ITGA9: variants seen among roughly 807,000 people sequenced by gnomAD.
ITGA9 encodes the protein integrin alpha-9.
Under a neutral mutation model 127.8 loss-of-function variants are expected in ITGA9, and 56 were observed. The observed-to-expected ratio is 0.44, with a 90% CI of 0.35 to 0.55. The LOEUF (loss-of-function observed/expected upper bound fraction) is 0.55, where lower values mean the gene tolerates loss of function less well. ITGA9 is among the 20% of genes least tolerant of loss of function. The probability of loss-of-function intolerance (pLI) is 0.00; values close to 1 mark genes in which losing one functional copy is unlikely to be tolerated. For synonymous variants in ITGA9, 508 were observed against 514.5 expected, an observed-to-expected ratio of 0.99 and a Z score of 0.17; for missense variants, 1,196 against 1,347.1, an observed-to-expected ratio of 0.89 and a Z score of 1.76.
At chr3:37,780,152 C>A in intron 25 of ITGA9, 131 bp downstream of exon 25, 1 of 1,094,928 alleles carries the variant, frequency 9.1e-7, no homozygotes, top group African/African-American at 1.5e-5. Flanking sequence ...GGCTGCCCCC[C>A]CTTTTGGCTG....
At chr3:37,495,229 A>G (rs1698715702) in intron 5 of ITGA9, among the ~76,000 whole-genome samples, 1 of 152,190 alleles carries the variant, frequency 6.6e-6, no homozygotes. Context: ...CTAGGATTAC[A>G]GGCTGAGCCA....
intron 13 of ITGA9, among the ~76,000 whole-genome samples, chr3:37,528,310 C>T (rs1048329252): frequency 2.0e-5 from 3 of 152,264 alleles, no homozygotes; most frequent in Middle Eastern, 3.4e-3. Flanking sequence ...ACCCCAGACT[C>T]CAGCCTAGGA....
intron 1 of ITGA9, among the ~76,000 whole-genome samples, chr3:37,455,243 A>G (rs974043507): frequency 2.6e-5 from 4 of 152,184 alleles, no homozygotes; most frequent in Non-Finnish European, 5.9e-5. Flanking sequence ...CATGTCAGTC[A>G]TTTTCAATTA....
At chr3:37,655,719 T>G (rs1259757998) in intron 17 of ITGA9, among the ~76,000 whole-genome samples, 1 of 152,258 alleles carries the variant, frequency 6.6e-6, no homozygotes, top group East Asian at 1.9e-4. Context: ...TTATCAATTC[T>G]GGCTTTTGTT....
chr3:37,545,027 C>T (rs372801349), intron 15 of ITGA9, among the ~76,000 whole-genome samples: 4 of 152,230 alleles, frequency 2.6e-5, no homozygotes, highest in Non-Finnish European at 5.9e-5. Context: ...GGCACCGCCC[C>T]GGCTTACTGG....
intron 15 of ITGA9, among the ~76,000 whole-genome samples, chr3:37,563,806 C>A (rs2125601186): frequency 6.6e-6 from 1 of 152,272 alleles, no homozygotes; most frequent in South Asian, 2.1e-4. Flanking sequence ...TTTCTCATAC[C>A]TTTTTATTTC....
intron 5 of ITGA9, among the ~76,000 whole-genome samples, chr3:37,496,116 C>T (rs1698725288): frequency 1.3e-5 from 2 of 152,158 alleles, no homozygotes; most frequent in African/African-American, 2.4e-5. Flanking sequence ...TGCCTACCTT[C>T]CTTTCAGAAA....
intron 3 of ITGA9, among the ~76,000 whole-genome samples, chr3:37,481,038 T>C (rs1698546541): frequency 6.6e-6 from 1 of 152,170 alleles, no homozygotes; most frequent in African/African-American, 2.4e-5. Context: ...CTTCCCACCA[T>C]GGTCACTCCA....
At chr3:37,561,122 T>G (rs916564846) in intron 15 of ITGA9, among the ~76,000 whole-genome samples, 1 of 152,230 alleles carries the variant, frequency 6.6e-6, no homozygotes, top group African/African-American at 2.4e-5. Context: ...TCTGAGGTAC[T>G]GGGAGTTAGG....
chr3:37,698,447 T>C (rs1454211464), intron 18 of ITGA9, among the ~76,000 whole-genome samples: 4 of 152,234 alleles, frequency 2.6e-5, no homozygotes, highest in Non-Finnish European at 4.4e-5. Context: ...CTAGGTTTTC[T>C]TCTAGGGTTT....
chr3:37,500,393 C>T (rs1698776128), intron 5 of ITGA9, among the ~76,000 whole-genome samples: 1 of 152,154 alleles, frequency 6.6e-6, no homozygotes. Flanking sequence ...ATGAAGTGCT[C>T]ATCAACAGTC....
At chr3:37,558,902 C>T (rs1248441773) in intron 15 of ITGA9, among the ~76,000 whole-genome samples, 1 of 152,184 alleles carries the variant, frequency 6.6e-6, no homozygotes, top group Non-Finnish European at 1.5e-5. Context: ...CTCCTCTCAC[C>T]GTTCTCCCCA....
chr3:37,782,975 T>TA (rs374212821), intron 25 of ITGA9, among the ~76,000 whole-genome samples: 2 of 152,120 alleles, frequency 1.3e-5, no homozygotes, highest in East Asian at 1.9e-4. Flanking sequence ...CCATCTCTAC[T>TA]AAAAAATACA....
intron 18 of ITGA9, among the ~76,000 whole-genome samples, chr3:37,719,673 G>A (rs1266724377): frequency 3.3e-5 from 5 of 152,100 alleles, no homozygotes; most frequent in Non-Finnish European, 7.4e-5. Context: ...TGGAAGTGCA[G>A]GATAGTTAAC....
chr3:37,622,047 G>A (rs568335747), intron 15 of ITGA9, among the ~76,000 whole-genome samples: 3 of 151,894 alleles, frequency 2.0e-5, no homozygotes, highest in East Asian at 3.9e-4. Flanking sequence ...TTAGAAGACT[G>A]TTGTAGTCAG....
intron 5 of ITGA9, 27 bp downstream of exon 5, chr3:37,494,595 T>C: frequency 6.3e-7 from 1 of 1,587,120 alleles, no homozygotes; most frequent in Non-Finnish European, 8.7e-7. Flanking sequence ...TGGGCATTTC[T>C]GTTCTCTTGT....
chr3:37,763,327 T>TA (rs1479560220), intron 23 of ITGA9, among the ~76,000 whole-genome samples: 3 of 152,228 alleles, frequency 2.0e-5, no homozygotes, highest in Non-Finnish European at 4.4e-5. Context: ...AAAGCTATCT[T>TA]ACGGGAGTTT....
intron 18 of ITGA9, among the ~76,000 whole-genome samples, chr3:37,694,609 G>A (rs975379675): frequency 2.0e-5 from 3 of 152,196 alleles, no homozygotes; most frequent in East Asian, 3.9e-4. Context: ...CTGTAGTTAC[G>A]ACAAGGATCA....
chr3:37,664,706 C>G (rs771474167), intron 17 of ITGA9, among the ~76,000 whole-genome samples: 2 of 151,942 alleles, frequency 1.3e-5, no homozygotes, highest in Non-Finnish European at 2.9e-5. Flanking sequence ...CTGGCCGAGT[C>G]AGCACATTCT....
Sources: allele counts gnomAD v4.1 joint callset (sites outside exome capture counted in the v4.1 genomes callset), GRCh38; gene constraint gnomAD v4.1.1; transcripts MANE v1.5; gene names NCBI Gene and HGNC (gene_info 2026-07-23, HGNC 2026-07-21).